The following TANGO6 variants were observed in gnomAD, a reference collection of about 807,000 sequenced individuals.
TANGO6 encodes transport and Golgi organization protein 6 homolog.
TANGO6 carries 90 observed loss-of-function variants against 114.2 expected under a neutral mutation model. The ratio of observed to expected loss-of-function variants is 0.79; its 90% CI spans 0.66 to 0.94. TANGO6 has a LOEUF of 0.94. Among genes scored for constraint, TANGO6 ranks in the 40% least tolerant of loss-of-function variants. TANGO6 has a pLI of 0.00. For synonymous variants in TANGO6, 477 were observed against 509.8 expected (o/e 0.94, Z 0.87); for missense variants, 1,274 against 1,315.3 (o/e 0.97, Z 0.49).
chr16:68,846,662 A>ATT, intron 1 of TANGO6: 1 of 141,886 alleles, frequency 7.0e-6, no homozygotes, highest in Non-Finnish European at 1.5e-5. Context: ...TGCCTGGCTA[A>ATT]TTTTCTTTTT....
intron 15 of TANGO6, among the ~76,000 whole-genome samples, chr16:69,005,509 C>CG (rs1286349560): frequency 6.6e-6 from 1 of 151,972 alleles, no homozygotes; most frequent in Non-Finnish European, 1.5e-5. Flanking sequence ...CAAAAGGTAG[C>CG]GGCCAGGCAC....
intron 7 of TANGO6, among the ~76,000 whole-genome samples, chr16:68,893,503 G>A (rs996381025): frequency 1.3e-5 from 2 of 152,084 alleles, no homozygotes; most frequent in Non-Finnish European, 2.9e-5. Context: ...ACTTTAGGAG[G>A]TGGGGCTGGC....
chr16:68,975,798 C>T (rs886788314), intron 15 of TANGO6, among the ~76,000 whole-genome samples: 6 of 152,052 alleles, frequency 3.9e-5, no homozygotes, highest in African/African-American at 1.4e-4. Context: ...CTCAAGCAAT[C>T]CTCCTGTCTC....
rs554803265 is a variant in TANGO6 at position 69,085,128 on chromosome 16, C to T, written c.*1467C>T. On this transcript the variant is annotated 3_prime_UTR_variant, in exon 18 of 18. Coordinates refer to ENST00000261778, the MANE Select transcript of TANGO6 (RefSeq NM_024562.2). Reference sequence around the variant, plus strand: ...TGGCTTTCAAATCTAAGAAGAATCTCCTTTGGGCCAGCTGGATGTACAATA... The same window carrying T: ...TGGCTTTCAAATCTAAGAAGAATCTTCTTTGGGCCAGCTGGATGTACAATA... 4.6e-5 allele frequency: 7 copies of T among 152,444 alleles called. No individual in the cohort carries two copies. The highest frequency in any genetic ancestry group is 1.7e-4 in the African/African-American group (7 of 41,568). The allele number at this position is 152,444 out of a possible 1,614,324, so 9.4% of individuals were successfully genotyped here.
intron 12 of TANGO6, among the ~76,000 whole-genome samples, chr16:68,919,774 C>T (rs1224572228): frequency 2.6e-5 from 4 of 152,120 alleles, no homozygotes; most frequent in Admixed American, 6.5e-5. Flanking sequence ...TGCGGTGGCT[C>T]ACTGAGCCTG....
At chr16:68,922,417 T>A (rs1205326176) in intron 12 of TANGO6, among the ~76,000 whole-genome samples, 1 of 151,930 alleles carries the variant, frequency 6.6e-6, no homozygotes, top group Non-Finnish European at 1.5e-5. Context: ...GTGCCTATAA[T>A]CCCAGCTACT....
At chr16:69,068,956 A>G (rs975879640) in intron 17 of TANGO6, among the ~76,000 whole-genome samples, 1 of 152,040 alleles carries the variant, frequency 6.6e-6, no homozygotes, top group African/African-American at 2.4e-5. Context: ...ACCTCAGGTG[A>G]TCCACCCGCC....
chr16:68,970,886 A>C (rs1963697187), intron 14 of TANGO6, among the ~76,000 whole-genome samples: 1 of 151,360 alleles, frequency 6.6e-6, no homozygotes, highest in Non-Finnish European at 1.5e-5. Flanking sequence ...GGCCGGGCGC[A>C]GTGGCTCACG....
intron 7 of TANGO6, among the ~76,000 whole-genome samples, chr16:68,899,015 G>A (rs1023639403): frequency 3.3e-5 from 5 of 151,088 alleles, no homozygotes; most frequent in South Asian, 2.1e-4. Context: ...GCTCATACCT[G>A]TAATTCCAGC....
intron 1 of TANGO6, among the ~76,000 whole-genome samples, chr16:68,848,899 A>G (rs1404326987): frequency 6.6e-6 from 1 of 151,998 alleles, no homozygotes. Flanking sequence ...TGACCATGAT[A>G]GTCTTTGATC....
At chr16:68,890,432 C>G (rs1262667063) in intron 7 of TANGO6, among the ~76,000 whole-genome samples, 1 of 152,204 alleles carries the variant, frequency 6.6e-6, no homozygotes, top group African/African-American at 2.4e-5. Context: ...TCCATGTTCA[C>G]TCATTTAACG....
chr16:68,903,348 G>C (rs1962808349), intron 9 of TANGO6, among the ~76,000 whole-genome samples: 1 of 152,170 alleles, frequency 6.6e-6, no homozygotes, highest in Admixed American at 6.6e-5. Flanking sequence ...GCCAGGCACG[G>C]TGGCTCACAC....
intron 16 of TANGO6, chr16:69,033,838 C>A: frequency 6.3e-6 from 1 of 157,482 alleles, no homozygotes; most frequent in East Asian, 1.6e-4. Context: ...AGTGGATACC[C>A]ATCACCAAGC....
At chr16:68,955,835 T>G (rs1380817666) in intron 14 of TANGO6, among the ~76,000 whole-genome samples, 2 of 152,120 alleles carry the variant, frequency 1.3e-5, no homozygotes, top group African/African-American at 4.8e-5. Context: ...CCAGTAATAA[T>G]GAGATAACTC....
intron 7 of TANGO6, among the ~76,000 whole-genome samples, chr16:68,887,308 G>A (rs1962552645): frequency 6.6e-6 from 1 of 152,210 alleles, no homozygotes; most frequent in African/African-American, 2.4e-5. Flanking sequence ...CCCAGAGGCT[G>A]TGCACTAGCT....
At chr16:69,063,099 G>C (rs527724795) in intron 17 of TANGO6, among the ~76,000 whole-genome samples, 1 of 151,700 alleles carries the variant, frequency 6.6e-6, no homozygotes, top group Non-Finnish European at 1.5e-5. Flanking sequence ...ATAATGGTGC[G>C]TGCCTGTAGT....
intron 17 of TANGO6, among the ~76,000 whole-genome samples, chr16:69,045,759 TAAAAATAAATA>T (rs995138021): frequency 1.4e-4 from 20 of 146,814 alleles, no homozygotes; most frequent in African/African-American, 3.8e-4. Context: ...AAAATAAACA[TAAAAATAAATA>T]AAAAATTAAA....
intron 4 of TANGO6, among the ~76,000 whole-genome samples, chr16:68,871,510 G>A (rs1364576825): frequency 6.6e-6 from 1 of 152,054 alleles, no homozygotes; most frequent in Non-Finnish European, 1.5e-5. Flanking sequence ...CTCTCTTTCT[G>A]AGATTTGAAT....
chr16:68,971,823 G>C (rs2152212350), intron 14 of TANGO6, among the ~76,000 whole-genome samples: 1 of 151,666 alleles, frequency 6.6e-6, no homozygotes, highest in South Asian at 2.1e-4. Context: ...AGTAGAGACG[G>C]GGTTTCACCA....
Sources: allele counts gnomAD v4.1 joint callset (sites outside exome capture counted in the v4.1 genomes callset), GRCh38; gene constraint gnomAD v4.1.1; transcripts MANE v1.5; gene names NCBI Gene and HGNC (gene_info 2026-07-23, HGNC 2026-07-21).